Variants in HACE1 observed in about 807,000 individuals in gnomAD.
HACE1 encodes E3 ubiquitin-protein ligase HACE1.
Under a neutral mutation model 118.4 loss-of-function variants are expected in HACE1, and 73 were observed. The ratio of observed to expected loss-of-function variants is 0.62; its 90% CI spans 0.51 to 0.75. HACE1 has a LOEUF of 0.75. Ranked by LOEUF, HACE1 falls within the 30% of genes least tolerant of loss-of-function variation. The probability of loss-of-function intolerance (pLI) is 0.00; values close to 1 mark genes in which losing one functional copy is unlikely to be tolerated. For synonymous variants in HACE1, 368 were observed against 374.8 expected (o/e 0.98, Z 0.21); for missense variants, 749 against 1,102.2 (o/e 0.68, Z 4.54).
intron 7 of HACE1, among the ~76,000 whole-genome samples, chr6:104,801,095 T>C (rs923331310): frequency 1.3e-5 from 2 of 151,956 alleles, no homozygotes; most frequent in Non-Finnish European, 2.9e-5. Context: ...GCCGATTCGA[T>C]CAAGTGGAAG....
intron 19 of HACE1, among the ~76,000 whole-genome samples, chr6:104,763,213 C>T (rs1779604071): frequency 6.6e-6 from 1 of 151,994 alleles, no homozygotes; most frequent in Non-Finnish European, 1.5e-5. Context: ...CACCTAATAA[C>T]ACACACGTAT....
chr6:104,758,693 A>T (rs567370335), intron 19 of HACE1, among the ~76,000 whole-genome samples: 9 of 152,196 alleles, frequency 5.9e-5, no homozygotes, highest in African/African-American at 2.2e-4. Context: ...AAATTCACAC[A>T]TAACAATACA....
intron 5 of HACE1, among the ~76,000 whole-genome samples, chr6:104,836,954 AT>A (rs1182426253): frequency 6.6e-6 from 1 of 152,152 alleles, no homozygotes; most frequent in Admixed American, 6.5e-5. Context: ...CATGCACAAA[AT>A]CCCCACTGTG....
At position 104,789,018 on chromosome 6, in the gene HACE1, C is replaced by T. The variant is rs546738055; in HGVS notation, c.1074+2486G>A. Among the ~76,000 whole-genome samples the T allele has an allele frequency of 2.6e-5, 4 of 152,128 alleles. No homozygotes were observed. The South Asian group carries it at 8.3e-4, about 32-fold the overall frequency. On this transcript the variant is annotated intron_variant, in intron 11 of 23. Coordinates refer to ENST00000262903, the MANE Select transcript of HACE1 (RefSeq NM_020771.4). Reference sequence around the variant, plus strand: ...ATGGAAATTAGGGATCAATTGCTACCTCAGACAAAATGTGGTAAGAATTAA... The same window carrying T: ...ATGGAAATTAGGGATCAATTGCTACTTCAGACAAAATGTGGTAAGAATTAA...
intron 1 of HACE1, among the ~76,000 whole-genome samples, chr6:104,852,898 T>C (rs1776381703): frequency 6.6e-6 from 1 of 152,212 alleles, no homozygotes; most frequent in Admixed American, 6.5e-5. Context: ...TCAATATTAT[T>C]ACAAAAGAAA....
intron 12 of HACE1, among the ~76,000 whole-genome samples, 160 bp downstream of exon 12, chr6:104,784,825 A>G (rs1307874453): frequency 1.3e-5 from 2 of 152,206 alleles, no homozygotes; most frequent in Non-Finnish European, 2.9e-5. Context: ...CTTAATATTT[A>G]AATATTCCCT....
Position 104,832,988 on chromosome 6 carries a change from A to G in HACE1, c.534+54T>C, listed in dbSNP as rs1055492306. Reference sequence around the variant, plus strand: ...TGCACAATGAAAAACTTTTCATGAAATCAATTTTAAAAAACAAACACATGC... The same window carrying G: ...TGCACAATGAAAAACTTTTCATGAAGTCAATTTTAAAAAACAAACACATGC... On this transcript the variant is annotated intron_variant, in intron 6 of 23. Coordinates refer to ENST00000262903, the MANE Select transcript of HACE1 (RefSeq NM_020771.4). The G allele has an allele frequency of 2.7e-5, 41 of 1,530,638 alleles. No homozygotes were observed. In the African/African-American group the frequency reaches 5.0e-4, roughly 19 times the overall value. 94.8% of individuals were successfully genotyped at this position (1,530,638 alleles called of 1,614,324 possible). A position where few individuals can be genotyped will look rare whatever the true frequency, so the allele number is the denominator to read the frequency against.
chr6:104,846,497 C>T (rs982999576), intron 4 of HACE1, among the ~76,000 whole-genome samples: 3 of 152,212 alleles, frequency 2.0e-5, no homozygotes, highest in Admixed American at 1.3e-4. Context: ...ACCCAAATTA[C>T]ACAGGGACCA....
intron 5 of HACE1, among the ~76,000 whole-genome samples, chr6:104,836,091 T>C (rs906468310): frequency 6.6e-6 from 1 of 151,994 alleles, no homozygotes; most frequent in African/African-American, 2.4e-5. Context: ...AGAATAGTTA[T>C]CAGAAAAGAT....
intron 19 of HACE1, among the ~76,000 whole-genome samples, chr6:104,766,395 C>G (rs768052901): frequency 7.9e-5 from 12 of 152,124 alleles, no homozygotes; most frequent in Non-Finnish European, 1.8e-4. Context: ...CTTATGGCTT[C>G]ATGTCAGTAC....
At chr6:104,799,373 T>C (rs967195036) in intron 7 of HACE1, among the ~76,000 whole-genome samples, 3 of 152,162 alleles carry the variant, frequency 2.0e-5, no homozygotes, top group African/African-American at 4.8e-5. Flanking sequence ...GGGTAGTCAG[T>C]TGGGTGATTT....
At chr6:104,754,935 C>T (rs1778433068) in intron 19 of HACE1, among the ~76,000 whole-genome samples, 1 of 152,190 alleles carries the variant, frequency 6.6e-6, no homozygotes, top group South Asian at 2.1e-4. Context: ...TCATACATAA[C>T]AATACTAACA....
Position 104,728,475 on chromosome 6 carries a change from T to C in HACE1, c.*1187A>G, listed in dbSNP as rs1774876336. 1 of 152,174 alleles carries C rather than the reference T, an allele frequency of 6.6e-6. No homozygotes were observed. The highest frequency in any genetic ancestry group is 1.5e-5 in the Non-Finnish European group (1 of 68,012). The allele number at this position is 152,174 out of a possible 1,614,324, so 9.4% of individuals were successfully genotyped here. A position where few individuals can be genotyped will look rare whatever the true frequency, so the allele number is the denominator to read the frequency against. On this transcript the variant is annotated 3_prime_UTR_variant, in exon 24 of 24. Transcript: ENST00000262903. ...TCAAAACCAACGAATTAAAGGAGCTTTATAATTTAGCAAAACTTTCAACTT... is the reference window on the plus strand; with the variant it reads ...TCAAAACCAACGAATTAAAGGAGCTCTATAATTTAGCAAAACTTTCAACTT...
chr6:104,811,586 C>T (rs1242903488), intron 6 of HACE1, among the ~76,000 whole-genome samples, 193 bp from the exon 7 acceptor site: 2 of 152,044 alleles, frequency 1.3e-5, no homozygotes, highest in African/African-American at 4.8e-5. Flanking sequence ...TCAGGCACAA[C>T]ACACATATAT....
chr6:104,740,617 T>C (rs1367533204), intron 22 of HACE1, among the ~76,000 whole-genome samples: 11 of 150,590 alleles, frequency 7.3e-5, no homozygotes, highest in African/African-American at 1.7e-4. Flanking sequence ...TAGGAAGAAG[T>C]TGAATCTCTG....
At chr6:104,844,467 T>A (rs1415172131) in intron 4 of HACE1, among the ~76,000 whole-genome samples, 1 of 146,982 alleles carries the variant, frequency 6.8e-6, no homozygotes, top group Non-Finnish European at 1.5e-5. Flanking sequence ...TCTCAGCCTC[T>A]CGAGTAGCTG....
intron 19 of HACE1, among the ~76,000 whole-genome samples, chr6:104,760,811 G>A (rs976750135): frequency 1.3e-5 from 2 of 152,190 alleles, no homozygotes; most frequent in Admixed American, 1.3e-4. Context: ...TTGTCTCAGC[G>A]CAAAATCTCC....
intron 16 of HACE1, 21 bp downstream of exon 16, chr6:104,776,992 A>G: frequency 2.0e-6 from 3 of 1,489,228 alleles, no homozygotes; most frequent in Non-Finnish European, 2.8e-6. Context: ...TGATTTCTAC[A>G]TCATCTTCTT....
At chr6:104,807,145 T>C (rs1159366825) in intron 7 of HACE1, among the ~76,000 whole-genome samples, 3 of 151,548 alleles carry the variant, frequency 2.0e-5, no homozygotes, top group Non-Finnish European at 4.4e-5. Context: ...TGCCTCAGCC[T>C]CTGGAGTAGC....
Sources: gnomAD v4.1 joint callset for allele counts (sites outside exome capture counted in the v4.1 genomes callset) on GRCh38, gnomAD v4.1.1 for gene constraint, MANE v1.5 for transcripts, NCBI Gene and HGNC (gene_info 2026-07-23, HGNC 2026-07-21) for gene names.